Variants in NMNAT3 observed in about 807,000 individuals in gnomAD.
The protein encoded by NMNAT3 is nicotinamide nucleotide adenylyltransferase 3.
A neutral mutation model predicts 24.8 loss-of-function variants in NMNAT3; 21 were observed. The ratio of observed to expected loss-of-function variants is 0.85; its 90% CI spans 0.60 to 1.22. The LOEUF is 1.22. Ranked by LOEUF, NMNAT3 falls within the 50% of genes most tolerant of loss-of-function variation. NMNAT3 has a pLI of 0.00. For synonymous variants in NMNAT3, 136 were observed against 155.2 expected, an observed-to-expected ratio of 0.88 and a Z score of 0.92; for missense variants, 387 against 436.6, an observed-to-expected ratio of 0.89 and a Z score of 1.01.
Position 139,616,296 on chromosome 3 carries a change from T to A in NMNAT3, c.109+11320A>T, listed in dbSNP as rs1009777088. Among the ~76,000 whole-genome samples the A allele has an allele frequency of 4.6e-5, 7 of 152,312 alleles. No homozygotes were observed. In the East Asian group the frequency reaches 1.2e-3, roughly 25 times the overall value. On this transcript the variant is annotated intron_variant, in intron 3 of 6. Coordinates refer to ENST00000643695, the MANE Select transcript of NMNAT3 (RefSeq NM_001320510.2). ...TGCTGGGGATCCTTCATCTTTTCTG[T>A]CTTCTGTGACAGAAACTACTCTGGT... is the stretch of plus-strand genomic sequence containing the variant.
intron 6 of NMNAT3, chr3:139,568,826 C>G (rs1937601738): frequency 6.6e-6 from 1 of 152,118 alleles, no homozygotes; most frequent in African/African-American, 2.4e-5. Flanking sequence ...CTGTTGATTT[C>G]AGGTGGAGAG....
At chr3:139,585,785 A>T in intron 3 of NMNAT3, among the ~76,000 whole-genome samples, 1 of 152,318 alleles carries the variant, frequency 6.6e-6, no homozygotes, top group East Asian at 1.9e-4. Flanking sequence ...CCTCAGCACT[A>T]AAGCACTAAG....
intron 1 of NMNAT3, among the ~76,000 whole-genome samples, chr3:139,669,032 A>G (rs560072989): frequency 1.9e-4 from 29 of 152,362 alleles, no homozygotes; most frequent in African/African-American, 6.7e-4. Flanking sequence ...ACAATTTTAA[A>G]TCATTTCTTG....
intron 3 of NMNAT3, among the ~76,000 whole-genome samples, chr3:139,614,315 C>G (rs965458747): frequency 6.6e-6 from 1 of 152,074 alleles, no homozygotes; most frequent in Admixed American, 6.6e-5. Flanking sequence ...TCAGACTCCA[C>G]GATCAAACCC....
At chr3:139,585,451 C>G in intron 3 of NMNAT3, among the ~76,000 whole-genome samples, 1 of 152,130 alleles carries the variant, frequency 6.6e-6, no homozygotes, top group East Asian at 1.9e-4. Flanking sequence ...GTTTCAAAGT[C>G]TGTACAGGTT....
intron 1 of NMNAT3, among the ~76,000 whole-genome samples, chr3:139,654,881 G>GTCA (rs1559959106): frequency 6.6e-6 from 1 of 152,208 alleles, no homozygotes; most frequent in Non-Finnish European, 1.5e-5. Flanking sequence ...ACACACCACA[G>GTCA]TCATGCTTAG....
intron 3 of NMNAT3, among the ~76,000 whole-genome samples, chr3:139,614,961 T>C (rs570918558): frequency 1.7e-4 from 26 of 152,380 alleles, no homozygotes; most frequent in African/African-American, 6.3e-4. Context: ...GGCATTCTAC[T>C]GTAAGAAAGA....
rs369276590 is a variant in NMNAT3, at chr3:139,662,799, G to C, written c.-141+14906C>G. On this transcript the variant is annotated intron_variant, in intron 1 of 6. Transcript: ENST00000643695. ...CAGAGGCACAGACTTTGGTTCTTCA[G>C]ACACCTGCCCATCAGCTACTCTCCC... is the stretch of plus-strand genomic sequence containing the variant. 3.3e-5 allele frequency among the ~76,000 whole-genome samples: 5 copies of C among 152,290 alleles called. No individual in the cohort carries two copies. In the South Asian group the frequency reaches 6.2e-4, roughly 19 times the overall value.
intron 3 of NMNAT3, among the ~76,000 whole-genome samples, chr3:139,593,700 C>T (rs2054310593): frequency 6.7e-6 from 1 of 149,214 alleles, no homozygotes; most frequent in Non-Finnish European, 1.5e-5. Context: ...ACAACCTGCT[C>T]CTGAATGACT....
At chr3:139,614,043 G>A (rs1373761611) in intron 3 of NMNAT3, among the ~76,000 whole-genome samples, 1 of 151,996 alleles carries the variant, frequency 6.6e-6, no homozygotes, top group South Asian at 2.1e-4. Flanking sequence ...TGTAAATGAC[G>A]AGTTAATGGG....
At position 139,589,571 on chromosome 3, in the gene NMNAT3, C is replaced by A. The variant is rs374862279; in HGVS notation, c.110-6363G>T. 3.7e-4 allele frequency among the ~76,000 whole-genome samples: 57 copies of A among 152,296 alleles called. No individual in the cohort carries two copies. The South Asian group carries it at 8.7e-3, about 23-fold the overall frequency. On this transcript the variant is annotated intron_variant, in intron 3 of 6. Transcript: ENST00000643695. ...AGGAAAATCATTTCCAACCTTAATT[C>A]TACATTTGGCCAAACTACCAATCAA...
chr3:139,611,109 G>A (rs2055192842), intron 3 of NMNAT3, among the ~76,000 whole-genome samples: 1 of 152,236 alleles, frequency 6.6e-6, no homozygotes, highest in Non-Finnish European at 1.5e-5. Context: ...AATTTAATCT[G>A]GGATGCCACA....
At chr3:139,636,077 C>G (rs564099947) in intron 2 of NMNAT3, 1 of 152,172 alleles carries the variant, frequency 6.6e-6, no homozygotes, top group South Asian at 2.1e-4. Context: ...ATGCCAACCC[C>G]GGGCTGCCTA....
chr3:139,672,085 G>A (rs972691415), intron 1 of NMNAT3, among the ~76,000 whole-genome samples: 3 of 152,190 alleles, frequency 2.0e-5, no homozygotes, highest in Non-Finnish European at 4.4e-5. Flanking sequence ...GATGCAATTA[G>A]GCTGAGCCAT....
chr3:139,633,843 G>A (rs1031448457), intron 2 of NMNAT3, among the ~76,000 whole-genome samples: 5 of 152,142 alleles, frequency 3.3e-5, no homozygotes, highest in African/African-American at 7.2e-5. Context: ...TTTATCCTAT[G>A]GGCAAGGAGG....
chr3:139,629,901 T>C (rs1374067372), intron 2 of NMNAT3, among the ~76,000 whole-genome samples: 1 of 152,202 alleles, frequency 6.6e-6, no homozygotes, highest in East Asian at 1.9e-4. Flanking sequence ...TTCATCACTA[T>C]TTATCAATTA....
At chr3:139,593,254 A>G (rs1455360438) in intron 3 of NMNAT3, among the ~76,000 whole-genome samples, 1 of 151,854 alleles carries the variant, frequency 6.6e-6, no homozygotes, top group Non-Finnish European at 1.5e-5. Context: ...GGGATCAACA[A>G]GAAGAGCTAA....
chr3:139,659,632 C>T (rs1356304649), intron 1 of NMNAT3, among the ~76,000 whole-genome samples: 2 of 152,178 alleles, frequency 1.3e-5, no homozygotes, highest in African/African-American at 2.4e-5. Context: ...CCTCATGAGG[C>T]TTGCATGCAG....
intron 3 of NMNAT3, among the ~76,000 whole-genome samples, chr3:139,593,520 A>G (rs1237719718): frequency 6.6e-6 from 1 of 152,172 alleles, no homozygotes; most frequent in Non-Finnish European, 1.5e-5. Flanking sequence ...TTTTTTCAGC[A>G]CCACACCCCA....
Sources: gnomAD v4.1 joint callset for allele counts (sites outside exome capture counted in the v4.1 genomes callset) on GRCh38, gnomAD v4.1.1 for gene constraint, MANE v1.5 for transcripts, NCBI Gene and HGNC (gene_info 2026-07-23, HGNC 2026-07-21) for gene names.